The following C14orf132 variants were observed in gnomAD, a reference collection of about 807,000 sequenced individuals.
C14orf132 encodes chromosome 14 open reading frame 132, also known as uncharacterized protein C14orf132.
In C14orf132, 6 loss-of-function variants were observed where a neutral mutation model predicts 5.8. The ratio of observed to expected loss-of-function variants is 1.03; its 90% CI spans 0.57 to 2.04. The LOEUF is 2.04. C14orf132 is among the 30% of genes most tolerant of loss of function. The pLI is 0.00. For missense variants in C14orf132, 125 were observed against 115.8 expected (o/e 1.08, Z -0.37); for synonymous variants, 51 against 49.8 (o/e 1.02, Z -0.10).
chr14:96,064,858 G>A (rs1220168677), intron 1 of C14orf132, among the ~76,000 whole-genome samples: 4 of 152,058 alleles, frequency 2.6e-5, no homozygotes, highest in South Asian at 4.1e-4. Flanking sequence ...AAAAAGTCAC[G>A]TCCTCATCTT....
At chr14:96,042,534 T>C (rs1377466045) in intron 1 of C14orf132, among the ~76,000 whole-genome samples, 1 of 152,256 alleles carries the variant, frequency 6.6e-6, no homozygotes, top group Non-Finnish European at 1.5e-5. Context: ...CCCCATGTTG[T>C]TAAATGTGAT....
chr14:96,042,356 G>A (rs1254743145), intron 1 of C14orf132, among the ~76,000 whole-genome samples: 1 of 152,212 alleles, frequency 6.6e-6, no homozygotes, highest in Non-Finnish European at 1.5e-5. Context: ...GCCATTGCAA[G>A]TTATTGAGCA....
rs1888290785 is a variant in C14orf132 at position 96,088,793 on chromosome 14, T to G, written c.*2058T>G. 6.6e-6 allele frequency: 1 copy of G among 152,224 alleles called. No homozygotes were observed. Among genetic ancestry groups the G allele is most frequent in the Admixed American group, 6.6e-5 (1 of 15,264 alleles). 9.4% of individuals were successfully genotyped at this position (152,224 alleles called of 1,614,324 possible). A position where few individuals can be genotyped will look rare whatever the true frequency, so the allele number is the denominator to read the frequency against. ...TGGAGATGGCAGTCGGGAGACAGGGTTCTGTGTTTGCTGCGGTGAAGGGAG... is the reference window on the plus strand; with the variant it reads ...TGGAGATGGCAGTCGGGAGACAGGGGTCTGTGTTTGCTGCGGTGAAGGGAG... On this transcript the variant is annotated 3_prime_UTR_variant, in exon 2 of 2. Coordinates refer to ENST00000555004, the MANE Select transcript of C14orf132 (RefSeq NM_001252507.3).
intron 1 of C14orf132, among the ~76,000 whole-genome samples, chr14:96,049,527 C>CACAT (rs1555384059): frequency 7.6e-6 from 1 of 132,158 alleles, no homozygotes; most frequent in Non-Finnish European, 1.6e-5. Context: ...TATATATATA[C>CACAT]ACATATATAC....
chr14:96,075,594 A>T (rs1252389965), intron 1 of C14orf132, among the ~76,000 whole-genome samples: 2 of 152,156 alleles, frequency 1.3e-5, no homozygotes, highest in Non-Finnish European at 2.9e-5. Context: ...AGATCCAGGA[A>T]GTTCCCTTCT....
intron 1 of C14orf132, among the ~76,000 whole-genome samples, chr14:96,085,346 G>A (rs2139683978): frequency 6.6e-6 from 1 of 152,292 alleles, no homozygotes; most frequent in East Asian, 1.9e-4. Flanking sequence ...GGCCAAATAG[G>A]TGTCAGTGCC....
intron 1 of C14orf132, among the ~76,000 whole-genome samples, chr14:96,082,733 T>C (rs533982113): frequency 7.2e-5 from 11 of 152,334 alleles, no homozygotes; most frequent in South Asian, 6.2e-4. Context: ...CTTAAGCAGC[T>C]GGATAAGAGA....
intron 1 of C14orf132, among the ~76,000 whole-genome samples, chr14:96,071,235 G>T (rs1043156915): frequency 2.0e-5 from 3 of 152,128 alleles, no homozygotes; most frequent in Non-Finnish European, 2.9e-5. Context: ...CCTTTATAAA[G>T]CCATGAGATT....
intron 1 of C14orf132, among the ~76,000 whole-genome samples, chr14:96,050,214 C>T (rs1886989005): frequency 6.6e-6 from 1 of 152,136 alleles, no homozygotes; most frequent in South Asian, 2.1e-4. Flanking sequence ...TTTGTATTCC[C>T]ATAAATATTC....
intron 1 of C14orf132, among the ~76,000 whole-genome samples, chr14:96,085,839 A>C (rs1888163600): frequency 6.6e-6 from 1 of 152,214 alleles, no homozygotes; most frequent in South Asian, 2.1e-4. Flanking sequence ...GGAGTGGTTA[A>C]ACTGTGGCTT....
At chr14:96,044,802 T>A (rs1886790049) in intron 1 of C14orf132, among the ~76,000 whole-genome samples, 1 of 152,240 alleles carries the variant, frequency 6.6e-6, no homozygotes, top group Non-Finnish European at 1.5e-5. Flanking sequence ...TCTCTGAGTC[T>A]CTTCTCATCT....
At chr14:96,045,812 T>G (rs1005586663) in intron 1 of C14orf132, among the ~76,000 whole-genome samples, 1 of 152,198 alleles carries the variant, frequency 6.6e-6, no homozygotes, top group Non-Finnish European at 1.5e-5. Flanking sequence ...AAGCAATCAT[T>G]TATTGTGCTG....
At chr14:96,043,418 C>A (rs532108149) in intron 1 of C14orf132, among the ~76,000 whole-genome samples, 6 of 152,262 alleles carry the variant, frequency 3.9e-5, no homozygotes, top group African/African-American at 1.4e-4. Flanking sequence ...GTTCTTATGG[C>A]GTAACTCTCC....
chr14:96,081,578 T>C (rs1888033331), intron 1 of C14orf132, among the ~76,000 whole-genome samples: 1 of 152,240 alleles, frequency 6.6e-6, no homozygotes, highest in African/African-American at 2.4e-5. Flanking sequence ...TACAGCCTTC[T>C]GTCTTCAACA....
chr14:96,085,224 G>A (rs1888145854), intron 1 of C14orf132, among the ~76,000 whole-genome samples: 1 of 152,236 alleles, frequency 6.6e-6, no homozygotes, highest in Admixed American at 6.5e-5. Context: ...CATAGCAGGA[G>A]CTCCACACAG....
rs937281109 is a variant in C14orf132, at chr14:96,039,555, C to G, written c.27+28C>G. 19 of 1,496,338 alleles carry G rather than the reference C, an allele frequency of 1.3e-5. No homozygotes were observed. Among genetic ancestry groups the G allele is most frequent in the South Asian group, 7.5e-5 (6 of 79,966 alleles). The allele number at this position is 1,496,338 out of a possible 1,614,324, so 92.7% of individuals were successfully genotyped here. A position where few individuals can be genotyped will look rare whatever the true frequency, so the allele number is the denominator to read the frequency against. On this transcript the variant is annotated intron_variant, in intron 1 of 1. Transcript: ENST00000555004. This position sits in a 1 kb window ranked among gnomAD's most constrained non-coding sequence, Gnocchi z 5.3. ...AACGGGGCGTCCCCCCCACGCGCCCCGGGCCGCCAAGTTTGGGGAGGTTCG... is the reference window on the plus strand; with the variant it reads ...AACGGGGCGTCCCCCCCACGCGCCCGGGGCCGCCAAGTTTGGGGAGGTTCG...
Position 96,039,417 on chromosome 14 carries a change from C to G in C14orf132, c.-84C>G, listed in dbSNP as rs538114745. 15 of 1,372,148 alleles carry G rather than the reference C, an allele frequency of 1.1e-5. No homozygotes were observed. Among genetic ancestry groups the G allele is most frequent in the South Asian group, 6.2e-5 (4 of 64,644 alleles). 85.0% of individuals were successfully genotyped at this position (1,372,148 alleles called of 1,614,324 possible). ...CGGTCTCCGGACGCTCGCTGCTCAG[C>G]CCGATCCCCGCCAACTGTGCAGGCG... On this transcript the variant is annotated 5_prime_UTR_variant, in exon 1 of 2. Coordinates refer to ENST00000555004, the MANE Select transcript of C14orf132 (RefSeq NM_001252507.3). This position sits in a 1 kb window ranked among gnomAD's most constrained non-coding sequence, Gnocchi z 5.3.
intron 1 of C14orf132, among the ~76,000 whole-genome samples, chr14:96,084,250 G>T (rs574326638): frequency 6.6e-6 from 1 of 152,232 alleles, no homozygotes; most frequent in Non-Finnish European, 1.5e-5. Context: ...GGACAGGAAC[G>T]CTGGTTAATT....
rs77205557 is a variant in C14orf132 at position 96,066,224 on chromosome 14, G to T, written c.28-20287G>T. Among the ~76,000 whole-genome samples the T allele has an allele frequency of 4.3e-3, 654 of 152,258 alleles. 9 individuals carry two copies. Among genetic ancestry groups the T allele is most frequent in the African/African-American group, 0.015 (614 of 41,522 alleles). ...CCTGAATTCTCACCATGGACCATGGGATGCGCGTGGAGGACAAGGTCCCCA... is the reference window on the plus strand; with the variant it reads ...CCTGAATTCTCACCATGGACCATGGTATGCGCGTGGAGGACAAGGTCCCCA... On this transcript the variant is annotated intron_variant, in intron 1 of 1. Transcript: ENST00000555004.
Sources: allele counts gnomAD v4.1 joint callset (sites outside exome capture counted in the v4.1 genomes callset), GRCh38; gene constraint gnomAD v4.1.1; non-coding constraint Gnocchi (gnomAD v3.1); transcripts MANE v1.5; gene names NCBI Gene and HGNC (gene_info 2026-07-23, HGNC 2026-07-21).